The following NEGR1 variants were observed in gnomAD, a reference collection of about 807,000 sequenced individuals.
NEGR1 encodes IgLON family member 4.
In NEGR1, 10 loss-of-function variants were observed where a neutral mutation model predicts 40.9. The ratio of observed to expected loss-of-function variants is 0.24; its 90% CI spans 0.15 to 0.42. The LOEUF (loss-of-function observed/expected upper bound fraction) is 0.42, where lower values mean the gene tolerates loss of function less well. Among genes scored for constraint, NEGR1 ranks in the 10% least tolerant of loss-of-function variants. The probability of loss-of-function intolerance (pLI) is 1.00; values close to 1 mark genes in which losing one functional copy is unlikely to be tolerated. For synonymous variants in NEGR1, 185 were observed against 166.8 expected (o/e 1.11, Z -0.84); for missense variants, 352 against 438.9 (o/e 0.80, Z 1.77).
intron 3 of NEGR1, among the ~76,000 whole-genome samples, chr1:71,771,429 C>T (rs1267263426): frequency 1.3e-5 from 2 of 152,004 alleles, no homozygotes; most frequent in African/African-American, 4.8e-5. Context: ...CACACGTACC[C>T]CAGAACTTAA....
chr1:71,947,731 C>G (rs958986868), intron 1 of NEGR1, among the ~76,000 whole-genome samples: 2 of 151,648 alleles, frequency 1.3e-5, no homozygotes, highest in African/African-American at 4.8e-5. Context: ...AAGTAGGAAC[C>G]AGAACCAGTC....
At chr1:71,862,087 A>G (rs1335839062) in intron 2 of NEGR1, among the ~76,000 whole-genome samples, 3 of 152,130 alleles carry the variant, frequency 2.0e-5, no homozygotes, top group African/African-American at 4.8e-5. Context: ...TATGTAATCC[A>G]TATTGTTTTT....
At chr1:71,913,312 G>T (rs144247836) in intron 2 of NEGR1, among the ~76,000 whole-genome samples, 4,361 of 152,018 alleles carry the variant, frequency 0.029, 112 homozygotes, top group Non-Finnish European at 0.04. Context: ...ATGGGGTTCC[G>T]CCATGTTGGC....
chr1:72,113,760 A>G (rs906210087), intron 1 of NEGR1, among the ~76,000 whole-genome samples: 2 of 151,790 alleles, frequency 1.3e-5, no homozygotes, highest in Admixed American at 6.6e-5. Flanking sequence ...AATTTGTCCT[A>G]ACAGTTAGGT....
chr1:71,846,242 G>C (rs1570425412), intron 2 of NEGR1, among the ~76,000 whole-genome samples: 1 of 152,230 alleles, frequency 6.6e-6, no homozygotes, highest in East Asian at 1.9e-4. Context: ...TCATAGAGAA[G>C]TGTTTAAATC....
intron 6 of NEGR1, among the ~76,000 whole-genome samples, chr1:71,589,114 A>G (rs1649411556): frequency 1.3e-5 from 2 of 152,172 alleles, no homozygotes; most frequent in South Asian, 4.1e-4. Context: ...AAAGGTCACC[A>G]GTAACTAACT....
chr1:71,948,698 T>C (rs924087112), intron 1 of NEGR1, among the ~76,000 whole-genome samples: 2 of 152,118 alleles, frequency 1.3e-5, no homozygotes, highest in African/African-American at 4.8e-5. Context: ...CCTCTCTTGC[T>C]AGAGGATCCA....
intron 1 of NEGR1, among the ~76,000 whole-genome samples, chr1:72,172,080 T>A (rs1438770111): frequency 6.6e-6 from 1 of 152,140 alleles, no homozygotes; most frequent in South Asian, 2.1e-4. Flanking sequence ...ATTTTGATAT[T>A]ATGAATCAGC....
intron 4 of NEGR1, among the ~76,000 whole-genome samples, chr1:71,660,048 T>C (rs1378984295): frequency 6.6e-6 from 1 of 152,182 alleles, no homozygotes; most frequent in Non-Finnish European, 1.5e-5. Context: ...CAGTACTATT[T>C]GCAATAGCAA....
At chr1:71,652,261 ATTAATC>A (rs1651740685) in intron 4 of NEGR1, among the ~76,000 whole-genome samples, 2 of 152,194 alleles carry the variant, frequency 1.3e-5, no homozygotes, top group Admixed American at 6.5e-5. Flanking sequence ...ATGTCATAAT[ATTAATC>A]TTTATCATTT....
intron 6 of NEGR1, among the ~76,000 whole-genome samples, chr1:71,508,996 C>T (rs896870549): frequency 5.9e-5 from 9 of 152,130 alleles, no homozygotes; most frequent in African/African-American, 2.2e-4. Flanking sequence ...GGAACTATTC[C>T]AACCCCAAAC....
At chr1:72,118,980 T>A (rs1359271969) in intron 1 of NEGR1, among the ~76,000 whole-genome samples, 1 of 151,680 alleles carries the variant, frequency 6.6e-6, no homozygotes, top group Admixed American at 6.6e-5. Context: ...TGGTGAAAAA[T>A]TTTAATGCAG....
intron 1 of NEGR1, among the ~76,000 whole-genome samples, chr1:72,210,859 G>C (rs960736154): frequency 3.3e-5 from 5 of 151,864 alleles, no homozygotes; most frequent in Admixed American, 2.0e-4. Context: ...CACTGATACA[G>C]TTTGAGATTC....
At chr1:71,487,982 G>A (rs899392382) in intron 6 of NEGR1, 1 of 151,562 alleles carries the variant, frequency 6.6e-6, no homozygotes, top group Non-Finnish European at 1.5e-5. Flanking sequence ...GTTTTTTCTT[G>A]TGCTGTAGAG....
chr1:72,197,596 T>C (rs553744171), intron 1 of NEGR1, among the ~76,000 whole-genome samples: 59 of 152,126 alleles, frequency 3.9e-4, no homozygotes, highest in African/African-American at 1.3e-3. Flanking sequence ...CTTTATTCAC[T>C]AGCACAGGCA....
At chr1:71,730,441 A>C (rs1245357154) in intron 3 of NEGR1, among the ~76,000 whole-genome samples, 1 of 151,420 alleles carries the variant, frequency 6.6e-6, no homozygotes, top group Non-Finnish European at 1.5e-5. Flanking sequence ...TCTGGCTTGA[A>C]CTAAGATTTC....
chr1:71,421,512 C>T (rs1646393516), intron 6 of NEGR1: 1 of 152,064 alleles, frequency 6.6e-6, no homozygotes, highest in Non-Finnish European at 1.5e-5. Context: ...TTGGTTTTCA[C>T]AGTAACTTCT....
chr1:72,245,813 A>G (rs1654883541), intron 1 of NEGR1, among the ~76,000 whole-genome samples: 1 of 152,264 alleles, frequency 6.6e-6, no homozygotes, highest in East Asian at 1.9e-4. Flanking sequence ...AACCAACTAC[A>G]TATTTCACAC....
intron 2 of NEGR1, among the ~76,000 whole-genome samples, chr1:71,910,514 T>C (rs1378362612): frequency 6.6e-6 from 1 of 152,186 alleles, no homozygotes; most frequent in Non-Finnish European, 1.5e-5. Context: ...AGAGTGTAAA[T>C]TTAAGTCCAG....
Sources: allele counts gnomAD v4.1 joint callset (sites outside exome capture counted in the v4.1 genomes callset), GRCh38; gene constraint gnomAD v4.1.1; transcripts MANE v1.5; gene names NCBI Gene and HGNC (gene_info 2026-07-23, HGNC 2026-07-21).